VRK3: variants seen among roughly 807,000 people sequenced by gnomAD.
The protein encoded by VRK3 is serine/threonine-protein kinase VRK3.
In VRK3, 50 loss-of-function variants were observed where a neutral mutation model predicts 60.4. That is an observed-to-expected ratio of 0.83 (90% CI 0.66 to 1.05). The LOEUF (loss-of-function observed/expected upper bound fraction) is 1.05. VRK3 is among the 50% of genes least tolerant of loss of function. The probability of loss-of-function intolerance (pLI) is 0.00; values close to 1 mark genes in which losing one functional copy is unlikely to be tolerated. For synonymous variants in VRK3, 246 were observed against 227.8 expected (o/e 1.08, Z -0.72); for missense variants, 549 against 585.3 (o/e 0.94, Z 0.64).
rs934369228 is a variant in VRK3, at chr19:49,988,422, T to C, written c.1167A>G (p.Pro389=). The part of the protein sequence containing the change: ...CMLKWLYGFL[P]WTNCLPNTED... ...CAGTGTTGGGAAGGCAATTTGTCCATGGCAGAAACCCGTAGAGCCACTTCA... is the reference window on the plus strand; with the variant it reads ...CAGTGTTGGGAAGGCAATTTGTCCACGGCAGAAACCCGTAGAGCCACTTCA... Residue 389 remains proline (P), a synonymous_variant, in exon 12 of 15, where the codon CCA becomes CCG. Transcript: ENST00000316763. 4 of 1,613,676 alleles carry C rather than the reference T, an allele frequency of 2.5e-6. No homozygotes were observed. Among genetic ancestry groups the C allele is most frequent in the Admixed American group, 1.7e-5 (1 of 60,010 alleles).
At chr19:50,022,523 C>T (rs1245549834) in intron 1 of VRK3, among the ~76,000 whole-genome samples, 1 of 152,070 alleles carries the variant, frequency 6.6e-6, no homozygotes, top group East Asian at 1.9e-4. Flanking sequence ...CGGTGGCTCA[C>T]GCCTGTGATC....
At chr19:50,024,599 A>G (rs562193497) in intron 1 of VRK3, among the ~76,000 whole-genome samples, 1 of 152,304 alleles carries the variant, frequency 6.6e-6, no homozygotes, top group East Asian at 1.9e-4. Flanking sequence ...ACACTGCTAT[A>G]ATAACCTGGG....
chr19:49,996,101 T>G (rs2076699495), intron 7 of VRK3, among the ~76,000 whole-genome samples: 1 of 152,136 alleles, frequency 6.6e-6, no homozygotes, highest in African/African-American at 2.4e-5. Flanking sequence ...TTTGTATTTT[T>G]AGTAGAGATG....
At chr19:49,983,706 C>CA (rs1191607254) in intron 12 of VRK3, among the ~76,000 whole-genome samples, 1 of 152,180 alleles carries the variant, frequency 6.6e-6, no homozygotes, top group African/African-American at 2.4e-5. Flanking sequence ...CTACAATGTG[C>CA]AAAAAATGAG....
chr19:50,016,014 T>C lies in VRK3; in HGVS notation c.139+10A>G. The C allele has an allele frequency of 6.2e-7, 1 of 1,614,178 alleles. No homozygotes were observed. On this transcript the variant is annotated intron_variant, in intron 3 of 14. Coordinates refer to ENST00000316763, the MANE Select transcript of VRK3 (RefSeq NM_016440.4). Reference sequence around the variant, plus strand: ...CACCGCAGAAACAGGCTCAATGCTCTGGTTCTTACCTTGGAAGGATGACAC... The same window carrying C: ...CACCGCAGAAACAGGCTCAATGCTCCGGTTCTTACCTTGGAAGGATGACAC...
intron 12 of VRK3, among the ~76,000 whole-genome samples, chr19:49,981,352 C>T (rs1232554573): frequency 6.6e-6 from 1 of 152,144 alleles, no homozygotes; most frequent in African/African-American, 2.4e-5. Flanking sequence ...CCGAGATCAT[C>T]CTGGCTAACA....
intron 12 of VRK3, 47 bp downstream of exon 12, chr19:49,988,325 G>C: frequency 6.4e-7 from 1 of 1,561,400 alleles, no homozygotes; most frequent in Non-Finnish European, 8.6e-7. Context: ...CCACCTGCAG[G>C]GGTTCTGCTG....
chr19:49,992,028 G>T (rs1382105072), intron 10 of VRK3, among the ~76,000 whole-genome samples: 1 of 152,206 alleles, frequency 6.6e-6, no homozygotes, highest in Non-Finnish European at 1.5e-5. Flanking sequence ...GTGTTGCCAG[G>T]AACATCTTGT....
intron 10 of VRK3, among the ~76,000 whole-genome samples, 175 bp from the exon 11 acceptor site, chr19:49,989,946 C>T (rs1156635539): frequency 6.6e-6 from 1 of 152,176 alleles, no homozygotes; most frequent in African/African-American, 2.4e-5. Context: ...CCAAACCAGC[C>T]ATCCATATTT....
chr19:50,023,086 C>G (rs1478113631), intron 1 of VRK3, among the ~76,000 whole-genome samples: 1 of 152,224 alleles, frequency 6.6e-6, no homozygotes, highest in East Asian at 1.9e-4. Flanking sequence ...ACGCTGTCCC[C>G]CTAAGAGTGC....
At chr19:49,982,278 C>A in intron 12 of VRK3, 1 of 698,100 alleles carries the variant, frequency 1.4e-6, no homozygotes, top group Non-Finnish European at 2.6e-6. Context: ...GAATTATTAA[C>A]CATCTCAGGC....
rs556737676 is a variant in VRK3, at chr19:49,988,488, G to A, written c.1101C>T (p.Pro367=). 275 of 1,612,750 alleles carry A rather than the reference G, an allele frequency of 1.7e-4. 5 individuals are homozygous for A. The South Asian group carries it at 2.8e-3, about 16-fold the overall frequency. ...ISMDLHKGCG[P]SRRSDLQSLG... The stretch of plus-strand genomic sequence containing the variant: ...GGCTCTGGAGGTCGCTGCGGCGGGA[G>A]GGCCCTGGGGAAGGAGGAGTAAAGG... Residue 367 remains proline (P), a synonymous_variant, in exon 12 of 15, where the codon CCC becomes CCT. Coordinates refer to ENST00000316763, the MANE Select transcript of VRK3 (RefSeq NM_016440.4).
At chr19:49,983,400 G>A (rs1041993770) in intron 12 of VRK3, among the ~76,000 whole-genome samples, 1 of 152,194 alleles carries the variant, frequency 6.6e-6, no homozygotes, top group Non-Finnish European at 1.5e-5. Context: ...CCCTCCAGGC[G>A]GAGGAACTCT....
intron 3 of VRK3, among the ~76,000 whole-genome samples, chr19:50,012,808 G>C (rs1365518941): frequency 2.0e-5 from 3 of 152,138 alleles, no homozygotes; most frequent in Non-Finnish European, 4.4e-5. Context: ...CTGGGAGGCA[G>C]AGGTTGCAGT....
At chr19:50,016,406 A>G (rs575553628) in intron 2 of VRK3, among the ~76,000 whole-genome samples, 2 of 152,310 alleles carry the variant, frequency 1.3e-5, no homozygotes, top group South Asian at 4.1e-4. Context: ...AGGCCACATG[A>G]CTAATTCTGG....
chr19:49,980,599 C>T (rs283506), intron 13 of VRK3, among the ~76,000 whole-genome samples: 3 of 151,974 alleles, frequency 2.0e-5, no homozygotes, highest in African/African-American at 7.2e-5. Context: ...CGCCTATAAC[C>T]CCAGCTACTT....
At chr19:49,996,063 AG>A (rs2076698919) in intron 7 of VRK3, among the ~76,000 whole-genome samples, 1 of 152,258 alleles carries the variant, frequency 6.6e-6, no homozygotes, top group Non-Finnish European at 1.5e-5. Flanking sequence ...CTGGGATCAC[AG>A]GCACGTGCCA....
intron 7 of VRK3, chr19:49,997,297 T>C: frequency 2.0e-6 from 1 of 502,206 alleles, no homozygotes; most frequent in South Asian, 3.2e-5. Context: ...AATTTAATAC[T>C]TGGCTTCCAA....
chr19:50,019,165 T>TAAAAAA (rs199546751), intron 2 of VRK3: 2 of 79,034 alleles, frequency 2.5e-5, no homozygotes, highest in African/African-American at 8.9e-5. Context: ...ACTCCGTCTC[T>TAAAAAA]AAAAAAAAAA....
Sources: gnomAD v4.1 joint callset for allele counts (sites outside exome capture counted in the v4.1 genomes callset) on GRCh38, gnomAD v4.1.1 for gene constraint, MANE v1.5 for transcripts, NCBI Gene and HGNC (gene_info 2026-07-23, HGNC 2026-07-21) for gene names.